UBE2V2: variants seen among roughly 807,000 people sequenced by gnomAD.
UBE2V2 encodes ubiquitin conjugating enzyme E2 V2.
Under a neutral mutation model 17.2 loss-of-function variants are expected in UBE2V2, and 9 were observed. That is an observed-to-expected ratio of 0.52 (90% CI 0.32 to 0.91). UBE2V2 has a LOEUF of 0.91. Ranked by LOEUF, UBE2V2 falls within the 40% of genes least tolerant of loss-of-function variation. UBE2V2 has a pLI of 0.04. For missense variants in UBE2V2, 133 were observed against 182.6 expected, an observed-to-expected ratio of 0.73 and a Z score of 1.56; for synonymous variants, 61 against 57.5, an observed-to-expected ratio of 1.06 and a Z score of -0.28.
At chr8:48,030,847 C>T (rs2091377519) in intron 1 of UBE2V2, among the ~76,000 whole-genome samples, 1 of 152,062 alleles carries the variant, frequency 6.6e-6, no homozygotes, top group South Asian at 2.1e-4. Flanking sequence ...CACGGTGAAA[C>T]CCCGTCTCTA....
intron 3 of UBE2V2, among the ~76,000 whole-genome samples, chr8:48,059,724 G>A (rs188098848): frequency 5.1e-4 from 78 of 152,230 alleles, no homozygotes; most frequent in South Asian, 1.2e-3. Flanking sequence ...CTTCCTGTTT[G>A]ACTCAACTTT....
At chr8:48,029,890 A>C (rs1300893099) in intron 1 of UBE2V2, among the ~76,000 whole-genome samples, 1 of 152,206 alleles carries the variant, frequency 6.6e-6, no homozygotes, top group Non-Finnish European at 1.5e-5. Flanking sequence ...GTGAGCAGTT[A>C]TGCCCATTTA....
intron 1 of UBE2V2, among the ~76,000 whole-genome samples, chr8:48,009,340 A>G (rs2154506558): frequency 7.0e-6 from 1 of 141,950 alleles, no homozygotes; most frequent in East Asian, 2.1e-4. Flanking sequence ...ATCTCGGCTC[A>G]CTGCAACCTC....
At chr8:48,026,988 G>A (rs2091350230) in intron 1 of UBE2V2, among the ~76,000 whole-genome samples, 2 of 152,146 alleles carry the variant, frequency 1.3e-5, no homozygotes. Flanking sequence ...TCCAAAGGGA[G>A]ACTTCTTTTT....
chr8:48,005,125 C>G (rs1162268784), upstream of UBE2V2, among the ~76,000 whole-genome samples: 1 of 151,328 alleles, frequency 6.6e-6, no homozygotes, highest in Admixed American at 6.6e-5. Flanking sequence ...ACCCATCAAC[C>G]TGTCATCTAC....
intron 3 of UBE2V2, among the ~76,000 whole-genome samples, chr8:48,057,229 C>T (rs1585447625): frequency 6.6e-6 from 1 of 152,278 alleles, no homozygotes; most frequent in South Asian, 2.1e-4. Context: ...AGTAATAAGT[C>T]TTCTGACCCA....
At chr8:48,037,883 A>T (rs565831977) in intron 1 of UBE2V2, among the ~76,000 whole-genome samples, 1 of 152,062 alleles carries the variant, frequency 6.6e-6, no homozygotes, top group Non-Finnish European at 1.5e-5. Flanking sequence ...TTACCTCCCA[A>T]TCCATTCCCA....
chr8:48,055,198 T>A (rs1389239366), intron 3 of UBE2V2, among the ~76,000 whole-genome samples: 6 of 143,914 alleles, frequency 4.2e-5, no homozygotes, highest in Non-Finnish European at 5.9e-5. Flanking sequence ...TAGTTTCTTT[T>A]CCTTTTTTTT....
At chr8:48,019,288 T>C (rs1472898159) in intron 1 of UBE2V2, among the ~76,000 whole-genome samples, 1 of 151,634 alleles carries the variant, frequency 6.6e-6, no homozygotes, top group Non-Finnish European at 1.5e-5. Context: ...TGCTTGAACC[T>C]GGGAGGCAGA....
the UBE2V2 span, among the ~76,000 whole-genome samples, chr8:47,999,077 C>T: frequency 4.7e-4 from 71 of 152,130 alleles, no homozygotes; most frequent in Non-Finnish European, 8.4e-4. Flanking sequence ...GTTTGCTTAT[C>T]GCAGCAAGGT....
the UBE2V2 span, among the ~76,000 whole-genome samples, chr8:48,001,518 G>A: frequency 6.6e-6 from 1 of 152,282 alleles, no homozygotes; most frequent in Admixed American, 6.5e-5. Flanking sequence ...AGGATCACTT[G>A]AGCCTGGGAG....
intron 1 of UBE2V2, among the ~76,000 whole-genome samples, chr8:48,009,747 T>G (rs1589847077): frequency 6.6e-6 from 1 of 152,210 alleles, no homozygotes; most frequent in East Asian, 1.9e-4. Context: ...CTGCATACAT[T>G]TTAATTAAGT....
intron 3 of UBE2V2, among the ~76,000 whole-genome samples, chr8:48,057,312 ATTTTTTT>A (rs2091579443): frequency 6.6e-6 from 1 of 151,652 alleles, no homozygotes; most frequent in Non-Finnish European, 1.5e-5. Flanking sequence ...TTATTTATTT[ATTTTTTT>A]GAGATGGAGT....
At chr8:47,998,341 C>T in the UBE2V2 span, among the ~76,000 whole-genome samples, 1 of 151,956 alleles carries the variant, frequency 6.6e-6, no homozygotes, top group South Asian at 2.1e-4. Context: ...AAGAGACTGC[C>T]GGTGACAAGG....
intron 1 of UBE2V2, among the ~76,000 whole-genome samples, chr8:48,020,246 A>G (rs1317200414): frequency 6.6e-6 from 1 of 152,148 alleles, no homozygotes; most frequent in African/African-American, 2.4e-5. Flanking sequence ...CATGTTGCTC[A>G]GGATGCTTTC....
the UBE2V2 span, among the ~76,000 whole-genome samples, chr8:48,001,377 A>G: frequency 6.6e-6 from 1 of 152,174 alleles, no homozygotes; most frequent in African/African-American, 2.4e-5. Context: ...AGGTGGGCGG[A>G]TCACTTGAGC....
intron 1 of UBE2V2, among the ~76,000 whole-genome samples, chr8:48,039,251 T>A (rs760462876): frequency 1.3e-5 from 2 of 152,220 alleles, no homozygotes; most frequent in Non-Finnish European, 2.9e-5. Context: ...TACTTTTTGC[T>A]ACATATGTAT....
the UBE2V2 span, among the ~76,000 whole-genome samples, chr8:47,999,839 C>T: frequency 6.6e-5 from 10 of 152,260 alleles, no homozygotes; most frequent in Middle Eastern, 3.4e-3. Context: ...CCGAGCTCCC[C>T]GATTGAGCAA....
chr8:48,037,982 C>T (rs527977343), intron 1 of UBE2V2, among the ~76,000 whole-genome samples: 1 of 152,300 alleles, frequency 6.6e-6, no homozygotes, highest in East Asian at 1.9e-4. Context: ...GGTGCCCTTC[C>T]AGGCCATTTC....
Sources: gnomAD v4.1 joint callset for allele counts (sites outside exome capture counted in the v4.1 genomes callset) on GRCh38, gnomAD v4.1.1 for gene constraint, MANE v1.5 for transcripts, NCBI Gene and HGNC (gene_info 2026-07-23, HGNC 2026-07-21) for gene names.